Variants in IPO5 observed in about 807,000 individuals in gnomAD.
IPO5 encodes the protein importin-5.
Under a neutral mutation model 143.3 loss-of-function variants are expected in IPO5, and 18 were observed. That is an observed-to-expected ratio of 0.13 (90% CI 0.09 to 0.19). The LOEUF is 0.19. Ranked by LOEUF, IPO5 falls within the 10% of genes least tolerant of loss-of-function variation. The probability of loss-of-function intolerance (pLI) is 1.00; values close to 1 mark genes in which losing one functional copy is unlikely to be tolerated. For synonymous variants in IPO5, 477 were observed against 465.7 expected (o/e 1.02, Z -0.31); for missense variants, 1,013 against 1,336.9 (o/e 0.76, Z 3.78).
At chr13:97,968,818 G>A (rs1885564800) in intron 2 of IPO5, among the ~76,000 whole-genome samples, 1 of 151,754 alleles carries the variant, frequency 6.6e-6, no homozygotes, top group Non-Finnish European at 1.5e-5. Flanking sequence ...AGCCTCCCAG[G>A]TAACAGAGTA....
chr13:97,962,414 A>G (rs1211686805), intron 2 of IPO5, among the ~76,000 whole-genome samples: 1 of 152,236 alleles, frequency 6.6e-6, no homozygotes, highest in African/African-American at 2.4e-5. Context: ...GTATGGGTCC[A>G]GCTTCATTCT....
At position 98,014,062 on chromosome 13, in the gene IPO5, G is replaced by C. The variant is rs1287865651; in HGVS notation, c.2173G>C (p.Glu725Gln). The change falls in exon 22 of 29, where the codon GAA becomes CAA. Residue 725 changes from glutamate (E) to glutamine (Q), a missense_variant. Physicochemically the swap from Glu to Gln is conservative, Grantham distance 29 (BLOSUM62 2). Coordinates refer to ENST00000651721, the MANE Select transcript of IPO5 (RefSeq NM_002271.6). ...FHDGVRVAAA[E>Q]SMPLLLECAR... is the part of the protein sequence containing the mutation. ...GAAACGTGTTCGAGTGGCAGCAGCG[G>C]AATCCATGCCTCTTCTCCTGGAGTG... The C allele has an allele frequency of 6.2e-7, 1 of 1,607,858 alleles. No individual in the cohort carries two copies. The highest frequency in any genetic ancestry group is 1.3e-5 in the African/African-American group (1 of 74,592).
At chr13:97,995,807 T>G (rs978015002) in intron 11 of IPO5, among the ~76,000 whole-genome samples, 2 of 152,048 alleles carry the variant, frequency 1.3e-5, no homozygotes, top group Non-Finnish European at 2.9e-5. Flanking sequence ...GACCTGAATA[T>G]TACCTTGCAC....
chr13:97,980,095 A>G (rs555647), intron 4 of IPO5, among the ~76,000 whole-genome samples: 95,458 of 152,090 alleles, frequency 0.63, 31,373 homozygotes, highest in African/African-American at 0.84. Flanking sequence ...GCCACAACTG[A>G]TAACATTCAC....
chr13:98,003,224 G>C (rs144433198), intron 16 of IPO5, among the ~76,000 whole-genome samples, 187 bp downstream of exon 16: 4 of 152,204 alleles, frequency 2.6e-5, no homozygotes, highest in Non-Finnish European at 2.9e-5. Context: ...AATGTGGGCT[G>C]ATAATTGGAA....
At chr13:97,977,753 C>T (rs550866936) in intron 4 of IPO5, among the ~76,000 whole-genome samples, 51 of 152,256 alleles carry the variant, frequency 3.3e-4, no homozygotes, top group African/African-American at 1.2e-3. Context: ...TGGGATACTT[C>T]CAGGGGAGGG....
rs568453025 is a variant in IPO5 at position 98,024,117 on chromosome 13, G to T, written c.*2295G>T. 6.6e-6 allele frequency: 1 copy of T among 152,284 alleles called. No individual in the cohort carries two copies. The highest frequency in any genetic ancestry group is 1.9e-4 in the East Asian group (1 of 5,190). 9.4% of individuals were successfully genotyped at this position (152,284 alleles called of 1,614,324 possible). On this transcript the variant is annotated 3_prime_UTR_variant, in exon 29 of 29. Coordinates refer to ENST00000651721, the MANE Select transcript of IPO5 (RefSeq NM_002271.6). ...TTTGTAACAAGTTACACGCACAAGT[G>T]TTAGAAACTTTGGCATAACTCAATT...
intron 16 of IPO5, among the ~76,000 whole-genome samples, chr13:98,005,676 G>T (rs1291162205): frequency 3.3e-5 from 5 of 152,056 alleles, no homozygotes; most frequent in Non-Finnish European, 7.4e-5. Context: ...GTTCCTTCGT[G>T]CGATCTTCTG....
rs764888617 is a variant in IPO5 at position 98,021,100 on chromosome 13, C to T, written c.3174C>T (p.Ala1058=). 1 of 1,609,088 alleles carries T rather than the reference C, an allele frequency of 6.2e-7. No homozygotes were observed. The highest frequency in any genetic ancestry group is 8.5e-7 in the Non-Finnish European group (1 of 1,178,312). Residue 1058 remains alanine, a synonymous_variant, in exon 28 of 29, where the codon GCC becomes GCT. Transcript: ENST00000651721. ...CAATTAAACATGAAGATCCTTGTGC[C>T]AAACGTCTGGCCAATGTCGTTCGCC... ...HEAIKHEDPC[A]KRLANVVRQV... is the part of the protein sequence containing the mutation.
chr13:97,987,427 C>T (rs1012889266), intron 6 of IPO5, among the ~76,000 whole-genome samples: 1 of 152,112 alleles, frequency 6.6e-6, no homozygotes, highest in Non-Finnish European at 1.5e-5. Flanking sequence ...TACAGTAAGT[C>T]CTTGTTCAAT....
In IPO5 at chr13:97,989,079, C is replaced by G; in HGVS notation, c.382C>G (p.Gln128Glu). The G allele has an allele frequency of 6.2e-7, 1 of 1,611,214 alleles. No homozygotes were observed. The highest frequency in any genetic ancestry group is 8.5e-7 in the Non-Finnish European group (1 of 1,177,464). The change falls in exon 7 of 29, where the codon CAG becomes GAG. Residue 128 changes from glutamine (Q) to glutamate (E), a missense_variant. Physicochemically the swap from Gln to Glu is conservative, Grantham distance 29 (BLOSUM62 2). Around this residue, in one of 2 missense-constraint regions of IPO5, gnomAD observed 328 missense variants for 342.0 expected, o/e 0.96. Coordinates refer to ENST00000651721, the MANE Select transcript of IPO5 (RefSeq NM_002271.6). ...ACTTTCAGATGAGGATGGCAATAAC[C>G]AGTGGCCCGAAGGTTTGAAGTTCCT... is the stretch of plus-strand genomic sequence containing the variant. ...RNLIDEDGNN[Q>E]WPEGLKFLFD... is the part of the protein sequence containing the mutation.
At chr13:97,978,968 T>G (rs1317186582) in intron 4 of IPO5, among the ~76,000 whole-genome samples, 1 of 152,256 alleles carries the variant, frequency 6.6e-6, no homozygotes, top group Non-Finnish European at 1.5e-5. Flanking sequence ...ACTAGGTTTT[T>G]ACTTTCTTTG....
chr13:98,008,883 C>A (rs555589215), intron 18 of IPO5, among the ~76,000 whole-genome samples: 3 of 152,142 alleles, frequency 2.0e-5, no homozygotes, highest in Non-Finnish European at 2.9e-5. Flanking sequence ...CTTTACATTG[C>A]CACACTGTAA....
Position 98,006,356 on chromosome 13 carries a change from A to ATTTTTTTTTTTTTTTTTTT in IPO5, c.1716+26_1716+44dup, listed in dbSNP as rs568589408. ...GCTGTTGGGAAGGAAAAAGTAAGTAATTTTTTTTTTTTTTTTTTTTTTTTT... is the reference window on the plus strand; with the variant it reads ...GCTGTTGGGAAGGAAAAAGTAAGTAATTTTTTTTTTTTTTTTTTTTTTTTTTTTTTTTTTTTTTTTTTTT... On this transcript the variant is annotated intron_variant, in intron 17 of 28. Transcript: ENST00000651721. The ATTTTTTTTTTTTTTTTTTT allele has an allele frequency of 1.6e-5, 9 of 556,880 alleles. 1 individual carries two copies. The African/African-American group carries it at 3.5e-4, about 21-fold the overall frequency. 34.5% of individuals were successfully genotyped at this position (556,880 alleles called of 1,614,324 possible). A position where few individuals can be genotyped will look rare whatever the true frequency, so the allele number is the denominator to read the frequency against.
intron 11 of IPO5, 100 bp from the exon 12 acceptor site, chr13:97,997,431 T>C: frequency 1.8e-6 from 1 of 557,872 alleles, no homozygotes; most frequent in Non-Finnish European, 3.1e-6. Flanking sequence ...TGTCTTGTTC[T>C]CTTACAGGCA....
chr13:97,970,616 G>A (rs1009681448), intron 3 of IPO5, among the ~76,000 whole-genome samples: 3 of 151,734 alleles, frequency 2.0e-5, no homozygotes, highest in African/African-American at 7.3e-5. Flanking sequence ...GTGGGACTCC[G>A]TCGCAAAAAA....
chr13:97,987,046 A>C, intron 6 of IPO5: 1 of 167,122 alleles, frequency 6.0e-6, no homozygotes. Context: ...CATCTTAATG[A>C]GTTTCACTTC....
At chr13:97,975,465 T>C (rs1036972910) in intron 3 of IPO5, among the ~76,000 whole-genome samples, 52 of 152,194 alleles carry the variant, frequency 3.4e-4, no homozygotes, top group Non-Finnish European at 8.8e-5. Context: ...CACTCCAGCC[T>C]AGGCGACAGA....
intron 16 of IPO5, among the ~76,000 whole-genome samples, chr13:98,005,099 G>A (rs1234223416): frequency 6.6e-6 from 1 of 151,488 alleles, no homozygotes; most frequent in African/African-American, 2.4e-5. Flanking sequence ...GTTTCACCAT[G>A]TTGGCCAGTC....
Sources: allele counts gnomAD v4.1 joint callset (sites outside exome capture counted in the v4.1 genomes callset), GRCh38; gene constraint gnomAD v4.1.1; regional missense constraint gnomAD v4.1.1; transcripts MANE v1.5; gene names NCBI Gene and HGNC (gene_info 2026-07-23, HGNC 2026-07-21).